Variants in BRD10 observed in about 807,000 individuals in gnomAD.
BRD10 encodes bromodomain containing 10.
the BRD10 span, among the ~76,000 whole-genome samples, chr9:5,903,152 G>C: frequency 6.6e-6 from 1 of 152,084 alleles, no homozygotes; most frequent in Admixed American, 6.6e-5. Context: ...TTTCTGTATT[G>C]ATTTCTGCTT....
At chr9:5,903,320 A>G in the BRD10 span, among the ~76,000 whole-genome samples, 1 of 152,192 alleles carries the variant, frequency 6.6e-6, no homozygotes, top group Non-Finnish European at 1.5e-5. Flanking sequence ...TAGCCTACAG[A>G]TGTCTATTAT....
chr9:5,944,722 C>G, the BRD10 span: 2 of 492,550 alleles, frequency 4.1e-6, no homozygotes, highest in African/African-American at 2.0e-5. Flanking sequence ...CTAGACCACA[C>G]AGGAGAAATA....
chr9:5,946,501 G>T, the BRD10 span, among the ~76,000 whole-genome samples: 2 of 152,012 alleles, frequency 1.3e-5, no homozygotes, highest in Non-Finnish European at 2.9e-5. Flanking sequence ...AACTTCTATT[G>T]TAACTATGAA....
the BRD10 span, among the ~76,000 whole-genome samples, chr9:5,901,723 T>C: frequency 6.6e-6 from 1 of 151,474 alleles, no homozygotes; most frequent in Non-Finnish European, 1.5e-5. Flanking sequence ...GGTTTCACCA[T>C]GTTGCCCAGG....
the BRD10 span, among the ~76,000 whole-genome samples, chr9:5,981,343 T>G: frequency 6.6e-6 from 1 of 152,270 alleles, no homozygotes; most frequent in South Asian, 2.1e-4. Flanking sequence ...TTACTCTCTC[T>G]GCTTACCCTG....
the BRD10 span, chr9:5,968,926 G>A: frequency 6.2e-7 from 1 of 1,612,424 alleles, no homozygotes; most frequent in Admixed American, 1.7e-5. Flanking sequence ...CATACACAAA[G>A]TCACAAAGAC....
the BRD10 span, among the ~76,000 whole-genome samples, chr9:5,926,205 TGC>T: frequency 2.5e-3 from 382 of 152,224 alleles, 6 homozygotes; most frequent in East Asian, 0.062. Context: ...CGTGAATCAC[TGC>T]GCCTGGCCAT....
the BRD10 span, among the ~76,000 whole-genome samples, chr9:5,998,074 G>C: frequency 6.6e-6 from 1 of 151,946 alleles, no homozygotes; most frequent in African/African-American, 2.4e-5. Context: ...TTTGGTGGAT[G>C]GTCAAATCTC....
chr9:5,881,366 C>T, the BRD10 span, among the ~76,000 whole-genome samples: 2 of 152,196 alleles, frequency 1.3e-5, no homozygotes, highest in African/African-American at 4.8e-5. Context: ...GAGTTGGCCG[C>T]TATGAAGGGA....
At chr9:5,963,840 C>A in the BRD10 span, among the ~76,000 whole-genome samples, 2 of 151,950 alleles carry the variant, frequency 1.3e-5, no homozygotes, top group East Asian at 1.9e-4. Context: ...GCTGGGAAAA[C>A]TGGCTAGCCA....
the BRD10 span, among the ~76,000 whole-genome samples, chr9:5,928,179 C>T: frequency 2.0e-5 from 3 of 152,040 alleles, no homozygotes; most frequent in East Asian, 1.9e-4. Context: ...TCCACATATC[C>T]AATCCTTAAG....
At chr9:5,933,042 T>C in the BRD10 span, among the ~76,000 whole-genome samples, 3 of 152,196 alleles carry the variant, frequency 2.0e-5, no homozygotes, top group African/African-American at 7.2e-5. Context: ...TTCTTAAGAC[T>C]CTTTCTCTAT....
the BRD10 span, chr9:5,929,284 G>C: frequency 1.9e-6 from 1 of 518,976 alleles, no homozygotes; most frequent in African/African-American, 2.0e-5. Flanking sequence ...TCAGAAGCTT[G>C]CAGAAAGGGG....
the BRD10 span, chr9:5,933,883 T>C: frequency 1.1e-5 from 5 of 464,340 alleles, no homozygotes; most frequent in South Asian, 7.8e-5. Context: ...ATTGGATACC[T>C]AAAAAGGAAA....
At chr9:5,923,634 T>C in the BRD10 span, among the ~76,000 whole-genome samples, 1 of 152,144 alleles carries the variant, frequency 6.6e-6, no homozygotes, top group Non-Finnish European at 1.5e-5. Flanking sequence ...AAATAAACAA[T>C]CAGGGCTCAG....
chr9:5,902,656 C>G, the BRD10 span, among the ~76,000 whole-genome samples: 72 of 150,734 alleles, frequency 4.8e-4, 1 homozygote, highest in South Asian at 6.2e-3. Flanking sequence ...GCCTCCAGGT[C>G]TGATTAATTT....
the BRD10 span, chr9:6,007,556 C>G: frequency 6.2e-7 from 1 of 1,612,910 alleles, no homozygotes. Flanking sequence ...TGCTGTAGCT[C>G]GTAGGTCAGC....
At chr9:5,903,863 C>CTT in the BRD10 span, among the ~76,000 whole-genome samples, 2 of 147,044 alleles carry the variant, frequency 1.4e-5, no homozygotes, top group Admixed American at 6.8e-5. Flanking sequence ...TATGCACTTA[C>CTT]TTTTTTTTTT....
chr9:5,920,058 G>C, the BRD10 span: 55 of 1,613,876 alleles, frequency 3.4e-5, no homozygotes, highest in Non-Finnish European at 4.7e-5. Flanking sequence ...GGTGATGTAT[G>C]TACTGTGGGT....
Sources: allele counts gnomAD v4.1 joint callset (sites outside exome capture counted in the v4.1 genomes callset), GRCh38; gene constraint gnomAD v4.1.1; transcripts MANE v1.5; gene names NCBI Gene and HGNC (gene_info 2026-07-23, HGNC 2026-07-21).